The following OR7G2 variants were observed in gnomAD, a reference collection of about 807,000 sequenced individuals.
OR7G2 encodes the protein olfactory receptor family 7 subfamily G member 2.
For synonymous variants in OR7G2, 153 were observed against 152.2 expected (o/e 1.01, Z -0.04); for missense variants, 362 against 384.0 (o/e 0.94, Z 0.48).
chr19:9,106,424 CAAA>C (rs34261571), intron 1 of OR7G2, among the ~76,000 whole-genome samples: 134 of 119,308 alleles, frequency 1.1e-3, no homozygotes, highest in Middle Eastern at 4.7e-3. Flanking sequence ...GACTGTGTCT[CAAA>C]AAAAAAAAAA....
rs144387482 is a variant in OR7G2, at chr19:9,103,150, G to C, written c.94C>G (p.Leu32Val). The change falls in exon 2 of 2, where the codon CTG becomes GTG. Residue 32 changes from leucine to valine, a missense_variant. Physicochemically the swap from Leu to Val is conservative, Grantham distance 32 (BLOSUM62 1). Transcript: ENST00000641081. ...AGGATGGTGACCAAGTACATGGACA[G>C]GAACAGGCTGAAAAGGACGGGCTGC... The part of the protein sequence containing the change: ...ELQPVLFSLF[L>V]SMYLVTILGN... 6.2e-7 allele frequency: 1 copy of C among 1,614,134 alleles called. No individual in the cohort carries two copies. The highest frequency in any genetic ancestry group is 8.5e-7 in the Non-Finnish European group (1 of 1,180,032).
Position 9,102,947 on chromosome 19 carries a change from G to GA in OR7G2, c.296_297insT (p.Gln100ProfsTer22). The GA allele has an allele frequency of 6.2e-7, 1 of 1,614,202 alleles. No individual in the cohort carries two copies. Among genetic ancestry groups the GA allele is most frequent in the Non-Finnish European group, 8.5e-7 (1 of 1,180,036 alleles). Reference sequence around the variant, plus strand: ...CAAAAAACAAGACAAAGCAGATCTGGGTGAGGCAGCCTGAGTACGTGATGC... The same window carrying GA: ...CAAAAAACAAGACAAAGCAGATCTGGAGTGAGGCAGCCTGAGTACGTGATGC... On this transcript the variant is annotated frameshift_variant, in exon 2 of 2. Coordinates refer to ENST00000641081, the MANE Select transcript of OR7G2 (RefSeq NM_001005193.2). LOFTEE classifies it low-confidence loss of function (END_TRUNC).
At chr19:9,104,147 G>A (rs546577509) in intron 1 of OR7G2, among the ~76,000 whole-genome samples, 2 of 152,078 alleles carry the variant, frequency 1.3e-5, no homozygotes, top group African/African-American at 4.8e-5. Flanking sequence ...TCAGGCTCCC[G>A]AAGTCCTGGG....
intron 1 of OR7G2, among the ~76,000 whole-genome samples, chr19:9,106,337 A>C (rs1001099250): frequency 5.9e-5 from 9 of 151,918 alleles, no homozygotes; most frequent in African/African-American, 2.2e-4. Context: ...AGGCAGGAGA[A>C]TCGCTTGCAC....
intron 1 of OR7G2, among the ~76,000 whole-genome samples, chr19:9,106,414 G>C (rs572424135): frequency 7.1e-6 from 1 of 141,118 alleles, no homozygotes; most frequent in South Asian, 2.2e-4. Flanking sequence ...GACAGAGGGA[G>C]ACTGTGTCTC....
intron 1 of OR7G2, among the ~76,000 whole-genome samples, chr19:9,105,896 CA>C (rs79995615): frequency 7.1e-6 from 1 of 140,740 alleles, no homozygotes; most frequent in Non-Finnish European, 1.5e-5. Flanking sequence ...GTATGATTCA[CA>C]AAAAAAAGAG....
chr19:9,103,331 A>G, intron 1 of OR7G2, 72 bp from the exon 2 acceptor site: 1 of 1,523,564 alleles, frequency 6.6e-7, no homozygotes. Flanking sequence ...ACAGAAACGC[A>G]AAATCTTGCT....
Position 9,102,883 on chromosome 19 carries a change from C to T in OR7G2, c.361G>A (p.Asp121Asn). 6.2e-7 allele frequency: 1 copy of T among 1,614,054 alleles called. No individual in the cohort carries two copies. Among genetic ancestry groups the T allele is most frequent in the Non-Finnish European group, 8.5e-7 (1 of 1,179,988 alleles). Reference sequence around the variant, plus strand: ...GGGTGACAAATGGCCACATAGCGGTCATAGGCCATTGCTGCAAGGAGACAA... The same window carrying T: ...GGGTGACAAATGGCCACATAGCGGTTATAGGCCATTGCTGCAAGGAGACAA... ...ENCLLAAMAY[D>N]RYVAICHPLR... The change falls in exon 2 of 2, where the codon GAC (aspartate) becomes AAC (asparagine). Residue 121 changes from aspartate (D) to asparagine (N), a missense_variant. Coordinates refer to ENST00000641081, the MANE Select transcript of OR7G2 (RefSeq NM_001005193.2).
At chr19:9,104,950 A>T in intron 1 of OR7G2, among the ~76,000 whole-genome samples, 1 of 150,690 alleles carries the variant, frequency 6.6e-6, no homozygotes, top group African/African-American at 2.4e-5. Context: ...TGTTCCCTCC[A>T]TTTTCTTTTC....
At position 9,101,445 on chromosome 19, in the gene OR7G2, C is replaced by A. The variant is rs761616325; in HGVS notation, c.*824G>T. On this transcript the variant is annotated 3_prime_UTR_variant, in exon 2 of 2. Transcript: ENST00000641081. ...TCACTTAGCCAGGAGCGGTGGCTCA[C>A]GCCTCTAATCCCAGTAATCCCAGAA... 1 of 152,188 alleles carries A rather than the reference C, an allele frequency of 6.6e-6. No individual in the cohort carries two copies. Among genetic ancestry groups the A allele is most frequent in the Non-Finnish European group, 1.5e-5 (1 of 68,072 alleles). The allele number at this position is 152,188 out of a possible 1,614,324, so 9.4% of individuals were successfully genotyped here.
intron 1 of OR7G2, among the ~76,000 whole-genome samples, chr19:9,105,667 T>G (rs2050381935): frequency 6.6e-6 from 1 of 151,858 alleles, no homozygotes; most frequent in African/African-American, 2.4e-5. Flanking sequence ...GCCAACATGG[T>G]GAAACCCCAT....
chr19:9,104,564 A>G (rs1006219253), intron 1 of OR7G2, among the ~76,000 whole-genome samples: 2 of 152,014 alleles, frequency 1.3e-5, no homozygotes, highest in African/African-American at 4.8e-5. Flanking sequence ...GTGGTGGCTC[A>G]TGCTTGTAAT....
In OR7G2 at chr19:9,102,783, A is replaced by G; in HGVS notation, c.461T>C (p.Val154Ala). 2 of 1,614,102 alleles carry G rather than the reference A, an allele frequency of 1.2e-6. No homozygotes were observed. Among genetic ancestry groups the G allele is most frequent in the East Asian group, 4.5e-5 (2 of 44,882 alleles). The change falls in exon 2 of 2, where the codon GTG (valine) becomes GCG (alanine). Residue 154 changes from valine to alanine, a missense_variant. Transcript: ENST00000641081. ...CATCAGGCTGAGAAGAAGGGCATTC[A>G]CAACACTAGTCAACAGAGAGAGAAG... ...LILLSLLTSV[V>A]NALLLSLMVL...
rs190524076 is a variant in OR7G2 at position 9,101,289 on chromosome 19, G to A, written c.*980C>T. 610 of 152,122 alleles carry A rather than the reference G, an allele frequency of 4.0e-3. 1 individual carries two copies. Among genetic ancestry groups the A allele is most frequent in the Non-Finnish European group, 6.5e-3 (443 of 68,084 alleles). The allele number at this position is 152,122 out of a possible 1,614,324, so 9.4% of individuals were successfully genotyped here. On this transcript the variant is annotated 3_prime_UTR_variant, in exon 2 of 2. Transcript: ENST00000641081. ...AGCCTGGTGGACAGAGCAAGACTCC[G>A]TCTCAGCAAAACAAAAAACAAAAAA... is the stretch of plus-strand genomic sequence containing the variant.
chr19:9,107,214 A>C (rs1568300285), intron 1 of OR7G2, 100 bp downstream of exon 1: 1 of 152,086 alleles, frequency 6.6e-6, no homozygotes, highest in Non-Finnish European at 1.5e-5. Flanking sequence ...AAAAAACCCC[A>C]AAAAACAAAA....
Position 9,102,167 on chromosome 19 carries a change from A to C in OR7G2, c.*102T>G. On this transcript the variant is annotated 3_prime_UTR_variant, in exon 2 of 2. Coordinates refer to ENST00000641081, the MANE Select transcript of OR7G2 (RefSeq NM_001005193.2). ...CAGTGAGCCGAGGTCGTGCCATTGCACTCCAGCCTGGGAGACAGAGAAAGA... is the reference window on the plus strand; with the variant it reads ...CAGTGAGCCGAGGTCGTGCCATTGCCCTCCAGCCTGGGAGACAGAGAAAGA... 2 of 1,083,656 alleles carry C rather than the reference A, an allele frequency of 1.8e-6. No individual in the cohort carries two copies. The highest frequency in any genetic ancestry group is 2.6e-6 in the Non-Finnish European group (2 of 757,664). The allele number at this position is 1,083,656 out of a possible 1,614,324, so 67.1% of individuals were successfully genotyped here.
intron 1 of OR7G2, among the ~76,000 whole-genome samples, chr19:9,106,765 C>G (rs2050388823): frequency 6.8e-6 from 1 of 148,086 alleles, no homozygotes; most frequent in African/African-American, 2.5e-5. Context: ...GTGCATATTT[C>G]AAAACCACCG....
At position 9,100,778 on chromosome 19, in the gene OR7G2, A is replaced by G. The variant is rs547689847; in HGVS notation, c.*1491T>C. 6.6e-6 allele frequency: 1 copy of G among 152,288 alleles called. No homozygotes were observed. Among genetic ancestry groups the G allele is most frequent in the South Asian group, 2.1e-4 (1 of 4,824 alleles). 9.4% of individuals were successfully genotyped at this position (152,288 alleles called of 1,614,324 possible). A position where few individuals can be genotyped will look rare whatever the true frequency, so the allele number is the denominator to read the frequency against. On this transcript the variant is annotated 3_prime_UTR_variant, in exon 2 of 2. Coordinates refer to ENST00000641081, the MANE Select transcript of OR7G2 (RefSeq NM_001005193.2). ...CCACTGTAGGTCTACACTGGGGTGCAATTGACAAGACCCTAAATACGCAAT... is the reference window on the plus strand; with the variant it reads ...CCACTGTAGGTCTACACTGGGGTGCGATTGACAAGACCCTAAATACGCAAT...
chr19:9,102,928 A>T lies in OR7G2; in HGVS notation c.316T>A (p.Phe106Ile). ...GCLTQICFVL[F>I]FAGLENCLLA... is the part of the protein sequence containing the mutation. Reference sequence around the variant, plus strand: ...AGACAATTTTCCAAGCCAGCAAAAAACAAGACAAAGCAGATCTGGGTGAGG... The same window carrying T: ...AGACAATTTTCCAAGCCAGCAAAAATCAAGACAAAGCAGATCTGGGTGAGG... Residue 106 changes from phenylalanine (F) to isoleucine (I), a missense_variant, in exon 2 of 2, where the codon TTT becomes ATT. Coordinates refer to ENST00000641081, the MANE Select transcript of OR7G2 (RefSeq NM_001005193.2). The T allele has an allele frequency of 6.2e-7, 1 of 1,614,196 alleles. No individual in the cohort carries two copies.
Sources: allele counts gnomAD v4.1 joint callset (sites outside exome capture counted in the v4.1 genomes callset), GRCh38; gene constraint gnomAD v4.1.1; transcripts MANE v1.5; gene names NCBI Gene and HGNC (gene_info 2026-07-23, HGNC 2026-07-21).